AP3S2: variants seen among roughly 807,000 people sequenced by gnomAD.
AP3S2 encodes the protein adaptor related protein complex 3 subunit sigma 2, also known as AP-3 complex subunit sigma-2.
In AP3S2, 22 loss-of-function variants were observed where a neutral mutation model predicts 23.4. The ratio of observed to expected loss-of-function variants is 0.94; its 90% CI spans 0.67 to 1.34. The LOEUF (loss-of-function observed/expected upper bound fraction) is 1.34. AP3S2 is among the 40% of genes most tolerant of loss of function. The pLI is 0.00. For synonymous variants in AP3S2, 86 were observed against 87.1 expected (o/e 0.99, Z 0.07); for missense variants, 241 against 236.9 (o/e 1.02, Z -0.11).
chr15:89,863,057 G>A (rs945850974), intron 4 of AP3S2, among the ~76,000 whole-genome samples: 2 of 152,060 alleles, frequency 1.3e-5, no homozygotes, highest in Non-Finnish European at 2.9e-5. Context: ...GAAATCAGCA[G>A]GGTTCTATAT....
rs545705063 is a variant in AP3S2, at chr15:89,847,983, C to T, written c.346-10261G>A. 2.0e-5 allele frequency among the ~76,000 whole-genome samples: 3 copies of T among 152,260 alleles called. No homozygotes were observed. In the East Asian group the frequency reaches 5.8e-4, roughly 29 times the overall value. ...ATTGGGATGGCAGGATTCCATCTAA[C>T]CGAAAATTTCACAGGCAGAGAGGAT... On this transcript the variant is annotated intron_variant, in intron 4 of 5. Coordinates refer to ENST00000336418, the MANE Select transcript of AP3S2 (RefSeq NM_005829.5).
intron 4 of AP3S2, among the ~76,000 whole-genome samples, chr15:89,858,517 G>A (rs1304653069): frequency 2.0e-5 from 1 of 50,320 alleles, no homozygotes. Context: ...GAGAGAGAGA[G>A]AGAGAGAGAA....
At chr15:89,888,471 C>T (rs1567189225) in intron 3 of AP3S2, 50 bp downstream of exon 3, 1 of 1,586,468 alleles carries the variant, frequency 6.3e-7, no homozygotes, top group Admixed American at 1.7e-5. Flanking sequence ...ACTCAAAAAT[C>T]CCGTGGAAAC....
At chr15:89,859,260 CTTT>C (rs545738255) in intron 4 of AP3S2, among the ~76,000 whole-genome samples, 2 of 149,144 alleles carry the variant, frequency 1.3e-5, no homozygotes, top group African/African-American at 2.5e-5. Context: ...TCCTTCCTTC[CTTT>C]TTTTCTTTTC....
chr15:89,884,666 G>C (rs933096360), intron 3 of AP3S2, among the ~76,000 whole-genome samples: 1 of 98,462 alleles, frequency 1.0e-5, no homozygotes, highest in Non-Finnish European at 2.1e-5. Context: ...TTTTTTTTTT[G>C]AGATAGAGTC....
Position 89,830,658 on chromosome 15 carries a change from G to A in AP3S2, c.*4857C>T, listed in dbSNP as rs758333417. ...GGACCAGGTACCGTGCCCAGCAGCT[G>A]GGATGCAGCACTGAACACGAGACAA... On this transcript the variant is annotated 3_prime_UTR_variant, in exon 6 of 6. Transcript: ENST00000336418. 1 of 152,300 alleles carries A rather than the reference G, an allele frequency of 6.6e-6. No individual in the cohort carries two copies. Among genetic ancestry groups the A allele is most frequent in the Non-Finnish European group, 1.5e-5 (1 of 68,082 alleles). The allele number at this position is 152,300 out of a possible 1,614,324, so 9.4% of individuals were successfully genotyped here.
At chr15:89,870,334 A>T (rs1302955996) in intron 4 of AP3S2, among the ~76,000 whole-genome samples, 1 of 152,224 alleles carries the variant, frequency 6.6e-6, no homozygotes, top group Non-Finnish European at 1.5e-5. Flanking sequence ...AGGGTGACTC[A>T]AAAGCATCAG....
chr15:89,879,518 CA>C (rs969761428), intron 3 of AP3S2, among the ~76,000 whole-genome samples: 1 of 151,472 alleles, frequency 6.6e-6, no homozygotes, highest in Non-Finnish European at 1.5e-5. Context: ...CACACACCGT[CA>C]AAAAAAACTG....
intron 4 of AP3S2, among the ~76,000 whole-genome samples, chr15:89,839,181 C>T (rs1311904092): frequency 6.6e-6 from 1 of 152,220 alleles, no homozygotes. Flanking sequence ...TTTACTCTGT[C>T]AGCAATGCAG....
intron 4 of AP3S2, among the ~76,000 whole-genome samples, chr15:89,860,475 G>C (rs1160227827): frequency 6.6e-6 from 1 of 152,142 alleles, no homozygotes; most frequent in African/African-American, 2.4e-5. Context: ...TGGATGAGGG[G>C]ATGATTCCCA....
chr15:89,884,783 ACTACAGGCGCAT>A (rs1896655548), intron 3 of AP3S2, among the ~76,000 whole-genome samples: 1 of 151,804 alleles, frequency 6.6e-6, no homozygotes, highest in African/African-American at 2.4e-5. Context: ...TGTAGCTGGG[ACTACAGGCGCAT>A]GCCACCACAC....
rs1251993896 is a variant in AP3S2 at position 89,835,654 on chromosome 15, A to G, written c.454-11T>C. 15 of 1,607,056 alleles carry G rather than the reference A, an allele frequency of 9.3e-6. No homozygotes were observed. The highest frequency in any genetic ancestry group is 1.3e-5 in the Non-Finnish European group (15 of 1,178,162). On this transcript the variant is annotated splice_polypyrimidine_tract_variant and intron_variant, in intron 5 of 5. Coordinates refer to ENST00000336418, the MANE Select transcript of AP3S2 (RefSeq NM_005829.5). Reference sequence around the variant, plus strand: ...TGCTGAAAGGCCACCCTAAGAAGAAATGAGAGGCGAGTATGAGACAAATTC... The same window carrying G: ...TGCTGAAAGGCCACCCTAAGAAGAAGTGAGAGGCGAGTATGAGACAAATTC...
chr15:89,876,200 C>T (rs997619870), intron 3 of AP3S2, among the ~76,000 whole-genome samples: 8 of 152,218 alleles, frequency 5.3e-5, no homozygotes, highest in African/African-American at 1.9e-4. Flanking sequence ...GGCAGATCAC[C>T]TGAGATTCAG....
intron 4 of AP3S2, among the ~76,000 whole-genome samples, chr15:89,840,069 G>A (rs546279295): frequency 1.3e-5 from 2 of 152,298 alleles, no homozygotes; most frequent in East Asian, 1.9e-4. Context: ...GAGGACAGTG[G>A]TGGCTATTGT....
At chr15:89,859,219 T>C (rs369562048) in intron 4 of AP3S2, among the ~76,000 whole-genome samples, 70 of 149,762 alleles carry the variant, frequency 4.7e-4, no homozygotes, top group African/African-American at 1.5e-3. Flanking sequence ...TCCTTTCTCT[T>C]TCTTTCTTTC....
chr15:89,836,260 A>G (rs1047382732), intron 5 of AP3S2, among the ~76,000 whole-genome samples: 2 of 152,188 alleles, frequency 1.3e-5, no homozygotes, highest in Non-Finnish European at 2.9e-5. Context: ...AGCCTCTCAC[A>G]GTACCTGGCA....
At chr15:89,879,500 T>C (rs1024046988) in intron 3 of AP3S2, among the ~76,000 whole-genome samples, 3 of 152,196 alleles carry the variant, frequency 2.0e-5, no homozygotes, top group Non-Finnish European at 4.4e-5. Context: ...ATCCATATTA[T>C]GGAAAATCAC....
In AP3S2 at chr15:89,878,715, C is replaced by T. The variant is rs530267178; in HGVS notation, c.274-7169G>A. Among the ~76,000 whole-genome samples, 5 of 152,090 alleles carry T rather than the reference C, an allele frequency of 3.3e-5. No individual in the cohort carries two copies. The East Asian group carries it at 9.7e-4, about 29-fold the overall frequency. On this transcript the variant is annotated intron_variant, in intron 3 of 5. Coordinates refer to ENST00000336418, the MANE Select transcript of AP3S2 (RefSeq NM_005829.5). ...AGCTGAGAATCACAGATGCATGCTA[C>T]CACCCGAGGCTAATTTTTGTTGTTG...
intron 2 of AP3S2, 103 bp downstream of exon 2, chr15:89,888,946 T>A (rs1896758111): frequency 7.4e-7 from 1 of 1,359,064 alleles, no homozygotes; most frequent in Non-Finnish European, 1.0e-6. Context: ...CAGCTAAAGT[T>A]GCATCAAGTA....
Sources: allele counts gnomAD v4.1 joint callset (sites outside exome capture counted in the v4.1 genomes callset), GRCh38; gene constraint gnomAD v4.1.1; transcripts MANE v1.5; gene names NCBI Gene and HGNC (gene_info 2026-07-23, HGNC 2026-07-21).